DMD: variants seen among roughly 807,000 people sequenced by gnomAD.
DMD encodes mutant dystrophin.
A neutral mutation model predicts 330.1 loss-of-function variants in DMD; 63 were observed. The observed-to-expected ratio is 0.19, with a 90% CI of 0.16 to 0.24. The LOEUF is 0.24. Among genes scored for constraint, DMD ranks in the 10% least tolerant of loss-of-function variants. The pLI is 1.00. For synonymous variants in DMD, 1,223 were observed against 959.8 expected, an observed-to-expected ratio of 1.27 and a Z score of -5.07; for missense variants, 3,344 against 2,684.1, an observed-to-expected ratio of 1.25 and a Z score of -5.43.
chrX:32,463,247 T>C (rs1199253606), intron 25 of DMD, among the ~76,000 whole-genome samples, 192 bp downstream of exon 25: 1 of 112,072 alleles, frequency 8.9e-6, no homozygotes, highest in Non-Finnish European at 1.9e-5. Flanking sequence ...AAGATGAATG[T>C]GTACTATTTA....
At chrX:32,117,972 T>C (rs1281095920) in intron 44 of DMD, among the ~76,000 whole-genome samples, 1 of 110,795 alleles carries the variant, frequency 9.0e-6, no homozygotes, top group Non-Finnish European at 1.9e-5. Context: ...AGGCATTGTG[T>C]TTTCTTACCT....
intron 2 of DMD, among the ~76,000 whole-genome samples, chrX:32,902,478 G>GA (rs1176431726): frequency 2.7e-5 from 3 of 110,651 alleles, no homozygotes; most frequent in Non-Finnish European, 5.6e-5. Context: ...TTGGAAATTA[G>GA]CAACACACAT....
intron 44 of DMD, among the ~76,000 whole-genome samples, chrX:32,174,869 T>C (rs2096900685): frequency 9.0e-6 from 1 of 111,513 alleles, no homozygotes; most frequent in South Asian, 3.7e-4. Flanking sequence ...ATATACTTCC[T>C]GGCAACACGC....
intron 78 of DMD, among the ~76,000 whole-genome samples, chrX:31,125,443 C>T (rs965042187): frequency 8.1e-5 from 9 of 111,789 alleles, no homozygotes; most frequent in African/African-American, 2.9e-4. Context: ...CATTACGACT[C>T]CTGTGTTTAA....
intron 21 of DMD, 116 bp downstream of exon 21, chrX:32,484,803 T>C: frequency 2.6e-6 from 2 of 764,229 alleles, no homozygotes; most frequent in East Asian, 3.5e-5. Context: ...ATACAGGTTG[T>C]AGGGAGAATG....
chrX:31,680,730 G>A (rs1352375155), intron 52 of DMD, among the ~76,000 whole-genome samples: 1 of 110,925 alleles, frequency 9.0e-6, no homozygotes, highest in African/African-American at 3.3e-5. Context: ...TTGTAAGACT[G>A]GCTTATATTG....
intron 9 of DMD, among the ~76,000 whole-genome samples, chrX:32,676,168 A>T (rs1191403547): frequency 9.0e-6 from 1 of 111,550 alleles, no homozygotes; most frequent in Admixed American, 9.5e-5. Context: ...CGTAAAAGGG[A>T]TATGAACATT....
At chrX:31,775,583 T>A (rs1435214748) in intron 50 of DMD, among the ~76,000 whole-genome samples, 1 of 111,060 alleles carries the variant, frequency 9.0e-6, no homozygotes, top group Non-Finnish European at 1.9e-5. Flanking sequence ...GTGGCAAAAT[T>A]ATTGGACTAT....
At chrX:32,199,225 G>T (rs1337424860) in intron 44 of DMD, among the ~76,000 whole-genome samples, 1 of 111,460 alleles carries the variant, frequency 9.0e-6, no homozygotes, top group Non-Finnish European at 1.9e-5. Flanking sequence ...GATTCCCTTT[G>T]AGAAGCTTTC....
intron 21 of DMD, among the ~76,000 whole-genome samples, chrX:32,473,839 T>A (rs2040916044): frequency 9.0e-6 from 1 of 111,141 alleles, no homozygotes; most frequent in Non-Finnish European, 1.9e-5. Context: ...GCATTTATTT[T>A]TTATTTTTCC....
intron 9 of DMD, among the ~76,000 whole-genome samples, chrX:32,661,006 A>G (rs762666324): frequency 9.0e-6 from 1 of 111,583 alleles, no homozygotes; most frequent in East Asian, 2.8e-4. Context: ...GACATTATGC[A>G]TCCTATTAAG....
At chrX:32,822,785 CG>C (rs1339308709) in intron 5 of DMD, among the ~76,000 whole-genome samples, 1 of 110,561 alleles carries the variant, frequency 9.0e-6, no homozygotes, top group African/African-American at 3.3e-5. Context: ...AATAGACAGT[CG>C]GAAGACCCTA....
intron 45 of DMD, among the ~76,000 whole-genome samples, chrX:31,948,085 G>GTC (rs1223160470): frequency 9.0e-6 from 1 of 111,275 alleles, no homozygotes; most frequent in African/African-American, 3.3e-5. Flanking sequence ...GAGTTTGACT[G>GTC]TCTCAGACAC....
At chrX:32,927,574 A>C (rs935621770) in intron 2 of DMD, among the ~76,000 whole-genome samples, 2 of 110,426 alleles carry the variant, frequency 1.8e-5, no homozygotes, top group Non-Finnish European at 1.9e-5. Flanking sequence ...TACTAAACAC[A>C]GACAAATGAT....
chrX:32,391,499 A>G (rs2098001957), intron 30 of DMD, among the ~76,000 whole-genome samples: 1 of 112,060 alleles, frequency 8.9e-6, no homozygotes, highest in Non-Finnish European at 1.9e-5. Context: ...TAGAATATTA[A>G]TCCTAACAAT....
At position 32,647,126 on chromosome X, in the gene DMD, C is replaced by G. The variant is rs995735828; in HGVS notation, c.961-1974G>C. Among the ~76,000 whole-genome samples, 5 of 111,567 alleles carry G rather than the reference C, an allele frequency of 4.5e-5. No homozygotes were observed. In the East Asian group the frequency reaches 1.1e-3, roughly 25 times the overall value. Reference sequence around the variant, plus strand: ...GCAACCTGAGCAGTTGCACAGGGCCCTGAGCGCAGAAGAAACACATGCCTC... The same window carrying G: ...GCAACCTGAGCAGTTGCACAGGGCCGTGAGCGCAGAAGAAACACATGCCTC... On this transcript the variant is annotated intron_variant, in intron 9 of 78. Coordinates refer to ENST00000357033, the MANE Select transcript of DMD (RefSeq NM_004006.3).
intron 60 of DMD, among the ~76,000 whole-genome samples, chrX:31,363,916 T>C (rs1167972327): frequency 8.9e-6 from 1 of 112,156 alleles, no homozygotes; most frequent in African/African-American, 3.3e-5. Flanking sequence ...GAACCACTAG[T>C]GTACAGTAAA....
At chrX:33,321,441 T>C (rs1410926073) in intron 1 of DMD, among the ~76,000 whole-genome samples, 1 of 111,063 alleles carries the variant, frequency 9.0e-6, no homozygotes, top group Non-Finnish European at 1.9e-5. Context: ...AAAAAAAATA[T>C]ATTTTTCTGA....
intron 44 of DMD, among the ~76,000 whole-genome samples, chrX:32,205,010 TACACA>T (rs2097059582): frequency 3.1e-3 from 166 of 53,044 alleles, no homozygotes; most frequent in Non-Finnish European, 4.8e-3. Context: ...CTCTCTCACA[TACACA>T]CACACACACA....
Sources: allele counts gnomAD v4.1 joint callset (sites outside exome capture counted in the v4.1 genomes callset), GRCh38; gene constraint gnomAD v4.1.1; transcripts MANE v1.5; gene names NCBI Gene and HGNC (gene_info 2026-07-23, HGNC 2026-07-21).